Variants in FAM20B observed in about 807,000 individuals in gnomAD.
FAM20B encodes FAM20B glycosaminoglycan xylosylkinase.
In FAM20B, 23 loss-of-function variants were observed where a neutral mutation model predicts 43.8. That is an observed-to-expected ratio of 0.53 (90% CI 0.38 to 0.74). The LOEUF is 0.74. Ranked by LOEUF, FAM20B falls within the 30% of genes least tolerant of loss-of-function variation. FAM20B has a pLI of 0.00. For missense variants in FAM20B, 440 were observed against 510.5 expected (o/e 0.86, Z 1.33); for synonymous variants, 178 against 192.4 (o/e 0.93, Z 0.62).
At chr1:179,045,976 G>T (rs1175882431) in intron 2 of FAM20B, among the ~76,000 whole-genome samples, 1 of 151,984 alleles carries the variant, frequency 6.6e-6, no homozygotes, top group African/African-American at 2.4e-5. Context: ...ATTTGCCAGG[G>T]ATTACACTAA....
At chr1:179,024,204 G>T (rs1649663160), upstream of FAM20B, among the ~76,000 whole-genome samples, 1 of 152,170 alleles carries the variant, frequency 6.6e-6, no homozygotes, top group Non-Finnish European at 1.5e-5. Flanking sequence ...GCACTGAAGT[G>T]GGTTGCTTGG....
At chr1:179,031,578 G>A (rs1650015134) in intron 1 of FAM20B, among the ~76,000 whole-genome samples, 1 of 152,090 alleles carries the variant, frequency 6.6e-6, no homozygotes, top group African/African-American at 2.4e-5. Context: ...ATTAATGCCT[G>A]GTAATGGTTT....
At chr1:179,035,882 C>T (rs1650205175) in intron 1 of FAM20B, among the ~76,000 whole-genome samples, 2 of 152,068 alleles carry the variant, frequency 1.3e-5, no homozygotes, top group Admixed American at 1.3e-4. Flanking sequence ...GTAATCACAG[C>T]ACATTGGGGG....
upstream of FAM20B, among the ~76,000 whole-genome samples, chr1:179,021,828 A>G (rs1649608603): frequency 6.6e-6 from 1 of 152,228 alleles, no homozygotes; most frequent in Non-Finnish European, 1.5e-5. Flanking sequence ...AATATACTAA[A>G]AGGCACTGAG....
chr1:179,062,715 C>T (rs1344109884), intron 4 of FAM20B, among the ~76,000 whole-genome samples: 1 of 152,090 alleles, frequency 6.6e-6, no homozygotes, highest in East Asian at 1.9e-4. Context: ...ATTTCCAATT[C>T]TAATTCACCA....
chr1:179,048,829 C>T (rs1650883758), intron 2 of FAM20B, among the ~76,000 whole-genome samples: 1 of 152,174 alleles, frequency 6.6e-6, no homozygotes, highest in African/African-American at 2.4e-5. Context: ...ATCATTTTGC[C>T]TTGAAGATAT....
At chr1:179,060,766 C>T (rs1364571550) in intron 4 of FAM20B, among the ~76,000 whole-genome samples, 3 of 152,116 alleles carry the variant, frequency 2.0e-5, no homozygotes, top group Admixed American at 6.5e-5. Flanking sequence ...TCAAAAGGCA[C>T]GTGCATTTTA....
chr1:179,054,311 C>G (rs981972087), intron 3 of FAM20B, among the ~76,000 whole-genome samples: 3 of 152,028 alleles, frequency 2.0e-5, no homozygotes, highest in Non-Finnish European at 2.9e-5. Flanking sequence ...CACATTTTAT[C>G]AGATTTGTCT....
intron 7 of FAM20B, among the ~76,000 whole-genome samples, chr1:179,068,181 A>G (rs559999764): frequency 6.6e-6 from 1 of 152,340 alleles, no homozygotes; most frequent in Non-Finnish European, 1.5e-5. Flanking sequence ...CAGCAACATC[A>G]TATCACATAA....
chr1:179,044,464 C>T (rs1321982811), intron 2 of FAM20B, among the ~76,000 whole-genome samples: 1 of 152,186 alleles, frequency 6.6e-6, no homozygotes, highest in Non-Finnish European at 1.5e-5. Context: ...TCCCTCTCTG[C>T]CCCAGAACAC....
chr1:179,058,044 T>A (rs1180065612), intron 4 of FAM20B, among the ~76,000 whole-genome samples: 1 of 152,208 alleles, frequency 6.6e-6, no homozygotes, highest in African/African-American at 2.4e-5. Flanking sequence ...ATAAAGGTTT[T>A]AAATACATAC....
chr1:179,057,354 A>AG lies in FAM20B; in HGVS notation c.574+2716_574+2717insG, dbSNP rs1651268591. ...GAGTGAGACTCCATCTCAAAAAAAAAAAAATATTTTCTTCAAATGTATAAC... is the reference window on the plus strand; with the variant it reads ...GAGTGAGACTCCATCTCAAAAAAAAAGAAAATATTTTCTTCAAATGTATAAC... On this transcript the variant is annotated intron_variant, in intron 4 of 7. Transcript: ENST00000263733. Among the ~76,000 whole-genome samples, 12 of 152,152 alleles carry AG rather than the reference A, an allele frequency of 7.9e-5. 1 individual carries two copies. The South Asian group carries it at 2.5e-3, about 32-fold the overall frequency.
At chr1:179,049,984 CT>C (rs1288878515) in intron 2 of FAM20B, among the ~76,000 whole-genome samples, 1 of 152,194 alleles carries the variant, frequency 6.6e-6, no homozygotes, top group African/African-American at 2.4e-5. Flanking sequence ...AGAAAACTAC[CT>C]TTTATCTGTA....
intron 1 of FAM20B, chr1:179,035,393 A>C: frequency 1.4e-6 from 1 of 709,174 alleles, no homozygotes; most frequent in South Asian, 1.4e-5. Flanking sequence ...GCTTCATGAG[A>C]TTGATTCCTG....
intron 3 of FAM20B, among the ~76,000 whole-genome samples, chr1:179,050,927 G>T (rs1210030123): frequency 6.6e-6 from 1 of 152,084 alleles, no homozygotes; most frequent in East Asian, 1.9e-4. Flanking sequence ...TTCGAGACCA[G>T]CCTGGGCAAC....
chr1:179,064,241 C>T lies in FAM20B; in HGVS notation c.747-64C>T. The T allele has an allele frequency of 2.7e-6, 4 of 1,468,056 alleles. No individual in the cohort carries two copies. The South Asian group carries it at 5.0e-5, about 19-fold the overall frequency. 90.9% of individuals were successfully genotyped at this position (1,468,056 alleles called of 1,614,324 possible). On this transcript the variant is annotated intron_variant, in intron 5 of 7. Transcript: ENST00000263733. ...CCGGTAGGTAGGAACTCTGTCTTCT[C>T]TTTGTGTGTAACAGTGCCAGGTACA...
chr1:179,046,294 A>C (rs1650768941), intron 2 of FAM20B, among the ~76,000 whole-genome samples: 1 of 152,274 alleles, frequency 6.6e-6, no homozygotes, highest in South Asian at 2.1e-4. Flanking sequence ...TCTTGGCCTG[A>C]GAGATAAGCA....
chr1:179,034,569 GTC>G (rs1650141492), intron 1 of FAM20B, among the ~76,000 whole-genome samples: 1 of 152,156 alleles, frequency 6.6e-6, no homozygotes, highest in Non-Finnish European at 1.5e-5. Context: ...AATTGTTAGT[GTC>G]TGTCTTTGCA....
intron 7 of FAM20B, among the ~76,000 whole-genome samples, chr1:179,070,883 G>A (rs1012604337): frequency 2.8e-4 from 42 of 151,890 alleles, no homozygotes; most frequent in African/African-American, 9.9e-4. Context: ...ATGGCCTAAC[G>A]ACCTCTTAAA....
Sources: gnomAD v4.1 joint callset for allele counts (sites outside exome capture counted in the v4.1 genomes callset) on GRCh38, gnomAD v4.1.1 for gene constraint, MANE v1.5 for transcripts, NCBI Gene and HGNC (gene_info 2026-07-23, HGNC 2026-07-21) for gene names.